The following STK33 variants were observed in gnomAD, a reference collection of about 807,000 sequenced individuals.
STK33 encodes serine/threonine kinase 33.
In STK33, 52 loss-of-function variants were observed where a neutral mutation model predicts 58.0. The ratio of observed to expected loss-of-function variants is 0.90; its 90% CI spans 0.72 to 1.13. STK33 has a LOEUF of 1.13. Ranked by LOEUF, STK33 falls within the 50% of genes most tolerant of loss-of-function variation. STK33 has a pLI of 0.00. For missense variants in STK33, 630 were observed against 604.2 expected (o/e 1.04, Z -0.45); for synonymous variants, 215 against 200.1 (o/e 1.07, Z -0.63).
At chr11:8,563,485 T>C (rs1014587589) in intron 1 of STK33, among the ~76,000 whole-genome samples, 3 of 152,296 alleles carry the variant, frequency 2.0e-5, no homozygotes, top group Non-Finnish European at 4.4e-5. Context: ...GGTATATGAA[T>C]GTAAAATATA....
intron 1 of STK33, among the ~76,000 whole-genome samples, chr11:8,585,114 G>C (rs954602487): frequency 6.6e-6 from 1 of 151,582 alleles, no homozygotes; most frequent in Non-Finnish European, 1.5e-5. Context: ...TTAGGGACGA[G>C]GTTTCACCAT....
Position 8,579,689 on chromosome 11 carries a change from T to C in STK33, c.-466+14394A>G, listed in dbSNP as rs866087183. On this transcript the variant is annotated intron_variant, in intron 1 of 15. Coordinates refer to ENST00000687296, the MANE Select transcript of STK33 (RefSeq NM_001352389.2). ...TGTTCTCATTTTACTGCTCATTTCG[T>C]TCACATTCTTACAAGGAAGTCATCA... Among the ~76,000 whole-genome samples, 8 of 152,112 alleles carry C rather than the reference T, an allele frequency of 5.3e-5. No homozygotes were observed. In the South Asian group the frequency reaches 1.4e-3, roughly 28 times the overall value.
At chr11:8,386,594 C>T in the STK33 span, among the ~76,000 whole-genome samples, 2 of 152,172 alleles carry the variant, frequency 1.3e-5, no homozygotes, top group African/African-American at 2.4e-5. Flanking sequence ...CACCATCCCC[C>T]GCTGCTGGCT....
chr11:8,579,385 T>A (rs1958404951), intron 1 of STK33, among the ~76,000 whole-genome samples: 1 of 152,096 alleles, frequency 6.6e-6, no homozygotes, highest in Non-Finnish European at 1.5e-5. Flanking sequence ...TAAGGTACTT[T>A]CAAATACTTT....
chr11:8,449,799 A>G (rs781023651), intron 11 of STK33, among the ~76,000 whole-genome samples: 1 of 152,144 alleles, frequency 6.6e-6, no homozygotes, highest in Non-Finnish European at 1.5e-5. Context: ...AAAGAAAGAA[A>G]AAAGCTCATC....
At chr11:8,414,474 G>A (rs1940819328) in intron 14 of STK33, among the ~76,000 whole-genome samples, 1 of 152,234 alleles carries the variant, frequency 6.6e-6, no homozygotes, top group East Asian at 1.9e-4. Context: ...AAAATGAGAA[G>A]TTCAGGTGTG....
the STK33 span, among the ~76,000 whole-genome samples, chr11:8,373,552 A>G: frequency 1.3e-3 from 196 of 152,256 alleles, 1 homozygote; most frequent in African/African-American, 4.3e-3. Flanking sequence ...ACAGCAGAAA[A>G]GTAGAAAATA....
At position 8,449,532 on chromosome 11, in the gene STK33, A is replaced by ACAAAAAAC. The variant is rs1227045694; in HGVS notation, c.871+3282_871+3289dup. Among the ~76,000 whole-genome samples, 2 of 151,160 alleles carry ACAAAAAAC rather than the reference A, an allele frequency of 1.3e-5. 1 individual carries two copies. Among genetic ancestry groups the ACAAAAAAC allele is most frequent in the African/African-American group, 4.9e-5 (2 of 40,584 alleles). On this transcript the variant is annotated intron_variant, in intron 11 of 15. Coordinates refer to ENST00000687296, the MANE Select transcript of STK33 (RefSeq NM_001352389.2). ...TCATTCTCAGCAAACTATCGCAAGG[A>ACAAAAAAC]CAAAAAACCAAACACCGCATGTTCT...
At chr11:8,423,151 T>C (rs1393119139) in intron 14 of STK33, among the ~76,000 whole-genome samples, 1 of 151,494 alleles carries the variant, frequency 6.6e-6, no homozygotes, top group African/African-American at 2.4e-5. Flanking sequence ...CTGTTTTCTG[T>C]TTCTTTCTTA....
chr11:8,375,580 C>T, the STK33 span, among the ~76,000 whole-genome samples: 204 of 152,310 alleles, frequency 1.3e-3, no homozygotes, highest in African/African-American at 4.6e-3. Flanking sequence ...AGTTCACACA[C>T]GGTGCCAGCA....
chr11:8,406,193 T>C (rs1939173286), intron 15 of STK33, among the ~76,000 whole-genome samples: 1 of 149,136 alleles, frequency 6.7e-6, no homozygotes, highest in Non-Finnish European at 1.5e-5. Context: ...TAAACATGGG[T>C]CTATTTCTAG....
At chr11:8,368,412 A>T in the STK33 span, among the ~76,000 whole-genome samples, 38,137 of 152,144 alleles carry the variant, frequency 0.25, 5,688 homozygotes, top group East Asian at 0.4. Flanking sequence ...GGCCTGTGCC[A>T]TCAAGGTCGA....
the STK33 span, among the ~76,000 whole-genome samples, chr11:8,374,383 G>A: frequency 6.6e-6 from 1 of 152,342 alleles, no homozygotes; most frequent in African/African-American, 2.4e-5. Flanking sequence ...CACAAACCGT[G>A]TGGCTCAAAT....
At chr11:8,538,365 C>A (rs1955224843) in intron 1 of STK33, among the ~76,000 whole-genome samples, 1 of 152,180 alleles carries the variant, frequency 6.6e-6, no homozygotes, top group Non-Finnish European at 1.5e-5. Context: ...AATTTGCCTG[C>A]AGTCACACAA....
chr11:8,363,046 G>A, the STK33 span, among the ~76,000 whole-genome samples: 1 of 152,182 alleles, frequency 6.6e-6, no homozygotes, highest in Non-Finnish European at 1.5e-5. Flanking sequence ...CTCCAGGGTG[G>A]AGCAGGTGCC....
intron 1 of STK33, among the ~76,000 whole-genome samples, chr11:8,544,403 T>G (rs1045023671): frequency 5.4e-5 from 8 of 149,500 alleles, no homozygotes; most frequent in Non-Finnish European, 1.0e-4. Flanking sequence ...TTAACTGTCA[T>G]GTAGCTACAG....
rs771034910 is a variant in STK33, at chr11:8,435,515, T to C, written c.1125A>G (p.Leu375=). The change falls in exon 14 of 16, where the codon CTA becomes CTG. Residue 375 remains leucine, a synonymous_variant. Coordinates refer to ENST00000687296, the MANE Select transcript of STK33 (RefSeq NM_001352389.2). ...TTACTGTTAACCACTGGTTATCTAG[T>C]AGTTCCTTAGCTGTGATTCTGTGAG... ...DPAHRITAKE[L]LDNQWLTGNK... is the part of the protein sequence containing the mutation. 8.7e-6 allele frequency: 13 copies of C among 1,491,688 alleles called. No homozygotes were observed. Among genetic ancestry groups the C allele is most frequent in the African/African-American group, 2.8e-5 (2 of 72,322 alleles). The allele number at this position is 1,491,688 out of a possible 1,614,324, so 92.4% of individuals were successfully genotyped here.
At chr11:8,378,289 T>C in the STK33 span, among the ~76,000 whole-genome samples, 6 of 152,254 alleles carry the variant, frequency 3.9e-5, no homozygotes, top group Non-Finnish European at 8.8e-5. Context: ...GAGGCCGAGG[T>C]GGGTGGATCA....
rs189135383 is a variant in STK33, at chr11:8,528,200, G to A, written c.-465-47586C>T. On this transcript the variant is annotated intron_variant, in intron 1 of 15. Transcript: ENST00000687296. Reference sequence around the variant, plus strand: ...CTTCCCTCAGGTTCCCTGTACCCATGCCTGCAAGTAATTGTTTAAAGGCAT... The same window carrying A: ...CTTCCCTCAGGTTCCCTGTACCCATACCTGCAAGTAATTGTTTAAAGGCAT... Among the ~76,000 whole-genome samples, 769 of 151,754 alleles carry A rather than the reference G, an allele frequency of 5.1e-3. 2 individuals carry two copies. Among genetic ancestry groups the A allele is most frequent in the Non-Finnish European group, 7.6e-3 (520 of 67,992 alleles).
Sources: allele counts gnomAD v4.1 joint callset (sites outside exome capture counted in the v4.1 genomes callset), GRCh38; gene constraint gnomAD v4.1.1; transcripts MANE v1.5; gene names NCBI Gene and HGNC (gene_info 2026-07-23, HGNC 2026-07-21).